ROR1: variants seen among roughly 807,000 people sequenced by gnomAD.
The protein encoded by ROR1 is inactive tyrosine-protein kinase transmembrane receptor ROR1.
ROR1 carries 19 observed loss-of-function variants against 78.8 expected under a neutral mutation model. That is an observed-to-expected ratio of 0.24 (90% CI 0.17 to 0.35). The LOEUF (loss-of-function observed/expected upper bound fraction) is 0.35, where lower values mean the gene tolerates loss of function less well. Ranked by LOEUF, ROR1 falls within the 10% of genes least tolerant of loss-of-function variation. The pLI, the probability that ROR1 is intolerant of heterozygous loss-of-function variation, is 1.00. For synonymous variants in ROR1, 386 were observed against 433.6 expected, an observed-to-expected ratio of 0.89 and a Z score of 1.36; for missense variants, 917 against 1,177.8, an observed-to-expected ratio of 0.78 and a Z score of 3.24.
intron 1 of ROR1, among the ~76,000 whole-genome samples, chr1:63,826,622 C>T (rs1644955177): frequency 6.6e-6 from 1 of 151,924 alleles, no homozygotes; most frequent in African/African-American, 2.4e-5. Context: ...AGTGGGATTG[C>T]TGGATTGAAT....
chr1:64,071,235 A>G (rs1051457692), intron 4 of ROR1, among the ~76,000 whole-genome samples: 2 of 152,140 alleles, frequency 1.3e-5, no homozygotes, highest in Non-Finnish European at 2.9e-5. Flanking sequence ...GGTTTCAGCT[A>G]AAGAGGTGAT....
At chr1:64,173,080 G>C (rs1323067251) in intron 8 of ROR1, among the ~76,000 whole-genome samples, 2 of 152,134 alleles carry the variant, frequency 1.3e-5, no homozygotes, top group African/African-American at 4.8e-5. Context: ...CAAGTAACTT[G>C]AGCACCTTAA....
intron 2 of ROR1, among the ~76,000 whole-genome samples, chr1:64,017,446 A>G (rs1411521431): frequency 6.6e-6 from 1 of 152,092 alleles, no homozygotes; most frequent in East Asian, 1.9e-4. Context: ...TGGCAAGATG[A>G]GGGATATGGA....
chr1:63,774,213 G>A lies in ROR1; in HGVS notation c.-205G>A, dbSNP rs1256511490. On this transcript the variant is annotated 5_prime_UTR_variant, in exon 1 of 9. Transcript: ENST00000371079. This position sits in a 1 kb window ranked among gnomAD's most constrained non-coding sequence, Gnocchi z 5.7. ...CAGGCGAGGCTGCAGCCAGAGGGCT[G>A]GGAAGGGATCGCGCTCGCGGCATCC... 2.7e-5 allele frequency: 7 copies of A among 257,084 alleles called. No homozygotes were observed. The highest frequency in any genetic ancestry group is 5.1e-5 in the Non-Finnish European group (7 of 137,604). 15.9% of individuals were successfully genotyped at this position (257,084 alleles called of 1,614,324 possible).
intron 4 of ROR1, among the ~76,000 whole-genome samples, chr1:64,078,486 G>C (rs950304156): frequency 1.3e-5 from 2 of 152,176 alleles, no homozygotes; most frequent in Non-Finnish European, 2.9e-5. Context: ...GTCGAGGAAG[G>C]AGACTCGGTA....
At chr1:63,838,092 C>T (rs980628157) in intron 1 of ROR1, among the ~76,000 whole-genome samples, 5 of 151,966 alleles carry the variant, frequency 3.3e-5, no homozygotes, top group African/African-American at 9.7e-5. Context: ...AACTATGGCA[C>T]CTCCAGTTAT....
chr1:64,031,094 T>C (rs1011118702), intron 2 of ROR1, among the ~76,000 whole-genome samples: 1 of 152,152 alleles, frequency 6.6e-6, no homozygotes, highest in Admixed American at 6.5e-5. Context: ...TCCTGAACTC[T>C]TGGACTTGAG....
At chr1:63,817,559 A>G (rs148700336) in intron 1 of ROR1, among the ~76,000 whole-genome samples, 2 of 152,312 alleles carry the variant, frequency 1.3e-5, no homozygotes, top group East Asian at 3.9e-4. Context: ...AACTCAGTAC[A>G]GTATCATTAG....
chr1:64,052,588 A>G (rs1206305205), intron 4 of ROR1, among the ~76,000 whole-genome samples: 1 of 152,186 alleles, frequency 6.6e-6, no homozygotes, highest in African/African-American at 2.4e-5. Flanking sequence ...TTGTGAACCG[A>G]TATCTATGGA....
At chr1:64,077,706 C>G (rs1347553106) in intron 4 of ROR1, among the ~76,000 whole-genome samples, 3 of 152,254 alleles carry the variant, frequency 2.0e-5, no homozygotes, top group African/African-American at 7.2e-5. Flanking sequence ...GGGGAGGCAG[C>G]CTCAGGGAAC....
At chr1:63,837,649 T>C (rs1380879055) in intron 1 of ROR1, among the ~76,000 whole-genome samples, 2 of 152,146 alleles carry the variant, frequency 1.3e-5, no homozygotes, top group Non-Finnish European at 2.9e-5. Flanking sequence ...AGTGAGACGT[T>C]GTTTCTACAA....
chr1:63,917,681 C>A (rs187152563), intron 1 of ROR1, among the ~76,000 whole-genome samples: 1 of 152,226 alleles, frequency 6.6e-6, no homozygotes, highest in East Asian at 1.9e-4. Flanking sequence ...GAGTGACTGT[C>A]CAGGAAAATG....
intron 1 of ROR1, among the ~76,000 whole-genome samples, chr1:63,805,965 A>C (rs1422948715): frequency 6.6e-6 from 1 of 152,214 alleles, no homozygotes; most frequent in Non-Finnish European, 1.5e-5. Context: ...GCTGCAGCCC[A>C]ATATGATTGC....
intron 1 of ROR1, among the ~76,000 whole-genome samples, chr1:63,919,730 G>A (rs1569910695): frequency 6.6e-6 from 1 of 152,030 alleles, no homozygotes; most frequent in Admixed American, 6.6e-5. Flanking sequence ...TAATAGTGCC[G>A]CCGTCATCAT....
chr1:63,894,101 A>G (rs1351362077), intron 1 of ROR1, among the ~76,000 whole-genome samples: 1 of 152,088 alleles, frequency 6.6e-6, no homozygotes, highest in Non-Finnish European at 1.5e-5. Context: ...TAAGTGCGTG[A>G]TATTGTGGCA....
rs145241468 is a variant in ROR1 at position 63,919,112 on chromosome 1, A to G, written c.92-90193A>G. Among the ~76,000 whole-genome samples the G allele has an allele frequency of 1.3e-4, 20 of 152,332 alleles. No individual in the cohort carries two copies. The East Asian group carries it at 3.3e-3, about 25-fold the overall frequency. On this transcript the variant is annotated intron_variant, in intron 1 of 8. Coordinates refer to ENST00000371079, the MANE Select transcript of ROR1 (RefSeq NM_005012.4). ...GAAACATCTTTGAAATGATGGTTCAATGCACAGGGTCAAAGGGTAGGACTG... is the reference window on the plus strand; with the variant it reads ...GAAACATCTTTGAAATGATGGTTCAGTGCACAGGGTCAAAGGGTAGGACTG...
intron 1 of ROR1, among the ~76,000 whole-genome samples, chr1:64,006,729 C>T (rs928801399): frequency 4.6e-5 from 7 of 152,162 alleles, no homozygotes; most frequent in Non-Finnish European, 7.3e-5. Flanking sequence ...GAAACCAGGG[C>T]CACTGTAGGT....
intron 7 of ROR1, among the ~76,000 whole-genome samples, chr1:64,158,622 TA>T (rs766909315): frequency 6.6e-6 from 1 of 152,176 alleles, no homozygotes; most frequent in South Asian, 2.1e-4. Flanking sequence ...TGGTCCACAT[TA>T]AGGCTCTTGG....
chr1:63,836,006 A>T (rs2100305826), intron 1 of ROR1, among the ~76,000 whole-genome samples: 1 of 152,362 alleles, frequency 6.6e-6, no homozygotes, highest in African/African-American at 2.4e-5. Context: ...ATTGTCTCCC[A>T]GCAGAGATTT....
Sources: gnomAD v4.1 joint callset for allele counts (sites outside exome capture counted in the v4.1 genomes callset) on GRCh38, gnomAD v4.1.1 for gene constraint, Gnocchi (gnomAD v3.1) non-coding constraint, MANE v1.5 for transcripts, NCBI Gene and HGNC (gene_info 2026-07-23, HGNC 2026-07-21) for gene names.